The following PYGB variants were observed in gnomAD, a reference collection of about 807,000 sequenced individuals.
The protein encoded by PYGB is glycogen phosphorylase, brain form.
In PYGB, 82 loss-of-function variants were observed where a neutral mutation model predicts 94.3. That is an observed-to-expected ratio of 0.87 (90% CI 0.73 to 1.04). PYGB has a LOEUF of 1.04. PYGB is among the 50% of genes least tolerant of loss of function. PYGB has a pLI of 0.00. For synonymous variants in PYGB, 488 were observed against 479.1 expected (o/e 1.02, Z -0.24); for missense variants, 1,132 against 1,158.2 (o/e 0.98, Z 0.33).
In PYGB at chr20:25,276,681, C is replaced by T. The variant is rs141974859; in HGVS notation, c.696C>T (p.Pro232=). The T allele has an allele frequency of 3.8e-5, 61 of 1,613,780 alleles. No homozygotes were observed. Among genetic ancestry groups the T allele is most frequent in the East Asian group, 8.9e-5 (4 of 44,876 alleles). The change falls in exon 6 of 20, where the codon CCC becomes CCT. Residue 232 remains proline, a synonymous_variant. Transcript: ENST00000216962. ...CCATGCCCTACGACACCCCAGTGCC[C>T]GGCTACAAGAACAACACCGTCAACA... ...VLAMPYDTPV[P]GYKNNTVNTM...
At chr20:25,293,471 TA>T (rs1243905008) in intron 17 of PYGB, among the ~76,000 whole-genome samples, 2 of 152,172 alleles carry the variant, frequency 1.3e-5, no homozygotes, top group African/African-American at 4.8e-5. Flanking sequence ...TTCCAAGCGA[TA>T]ATTACAAAGA....
chr20:25,291,658 C>A (rs1221417152), intron 16 of PYGB, among the ~76,000 whole-genome samples: 3 of 152,088 alleles, frequency 2.0e-5, no homozygotes, highest in Non-Finnish European at 4.4e-5. Context: ...CATCTCCTCT[C>A]CCCCGTGCTG....
intron 6 of PYGB, 59 bp from the exon 7 acceptor site, chr20:25,277,185 G>A (rs571101582): frequency 1.8e-5 from 24 of 1,357,414 alleles, no homozygotes; most frequent in East Asian, 1.1e-4. Context: ...GCCCCTGAGC[G>A]GTTGCAGTGC....
chr20:25,283,391 C>A, intron 13 of PYGB, 114 bp downstream of exon 13: 1 of 885,684 alleles, frequency 1.1e-6, no homozygotes, highest in Non-Finnish European at 1.7e-6. Context: ...CCCACTGGGG[C>A]TTTAGTGGGG....
chr20:25,253,780 T>C (rs928573963), intron 1 of PYGB, among the ~76,000 whole-genome samples: 4 of 152,230 alleles, frequency 2.6e-5, no homozygotes, highest in African/African-American at 9.6e-5. Context: ...TGACGCTTCA[T>C]CCGGATTCCC....
At chr20:25,270,195 TG>T (rs67451023) in intron 3 of PYGB, among the ~76,000 whole-genome samples, 7,082 of 124,430 alleles carry the variant, frequency 0.057, 690 homozygotes, top group African/African-American at 0.23. Flanking sequence ...AAGTTTTTTT[TG>T]TTTTGTTTTG....
At chr20:25,295,737 ATTGT>A (rs1464894884) in intron 19 of PYGB, 67 bp downstream of exon 19, 23 of 1,489,964 alleles carry the variant, frequency 1.5e-5, no homozygotes, top group Non-Finnish European at 2.1e-5. Flanking sequence ...GTTGGGTCAG[ATTGT>A]TTATTTCCCA....
intron 2 of PYGB, among the ~76,000 whole-genome samples, chr20:25,261,795 G>A (rs957556966): frequency 1.3e-5 from 2 of 152,216 alleles, no homozygotes; most frequent in Non-Finnish European, 1.5e-5. Context: ...ATGACCTGAC[G>A]GAGCTGAAAA....
At chr20:25,272,969 G>A (rs1312158350) in intron 4 of PYGB, among the ~76,000 whole-genome samples, 13 of 152,222 alleles carry the variant, frequency 8.5e-5, no homozygotes, top group Non-Finnish European at 1.5e-4. Context: ...CCTCGTTCCT[G>A]TAACTCTTGC....
At chr20:25,273,436 G>A (rs2088283955) in intron 4 of PYGB, among the ~76,000 whole-genome samples, 1 of 152,194 alleles carries the variant, frequency 6.6e-6, no homozygotes, top group South Asian at 2.1e-4. Context: ...TGGCGTCTGT[G>A]TAGGAACCAT....
At chr20:25,287,673 C>A (rs73343053) in intron 14 of PYGB, among the ~76,000 whole-genome samples, 3 of 151,336 alleles carry the variant, frequency 2.0e-5, no homozygotes, top group Non-Finnish European at 2.9e-5. Flanking sequence ...CAAACAACAA[C>A]AAAAAAAACC....
chr20:25,288,935 C>T (rs1362555433), intron 15 of PYGB, among the ~76,000 whole-genome samples: 2 of 152,260 alleles, frequency 1.3e-5, no homozygotes, highest in African/African-American at 4.8e-5. Flanking sequence ...CCCTCTGCGG[C>T]CAGTGTCCCC....
chr20:25,276,819 G>A (rs1399518952), intron 6 of PYGB, 62 bp downstream of exon 6: 73 of 1,486,762 alleles, frequency 4.9e-5, no homozygotes, highest in Non-Finnish European at 6.3e-5. Context: ...AGACACCCTC[G>A]CCCACAGCCT....
Position 25,283,246 on chromosome 20 carries a change from T to C in PYGB, c.1589T>C (p.Val530Ala). The C allele has an allele frequency of 6.2e-7, 1 of 1,613,684 alleles. No homozygotes were observed. Among genetic ancestry groups the C allele is most frequent in the African/African-American group, 1.3e-5 (1 of 75,004 alleles). ...CTGCTGCCGCTGGTCAGTGACGAGG[T>C]GTTCATCAGGGACGTGGCCAAGGTC... ...KKLLPLVSDE[V>A]FIRDVAKVKQ... Residue 530 changes from valine to alanine, a missense_variant, in exon 13 of 20, where the codon GTG (valine) becomes GCG (alanine). Val to Ala is a moderately conservative substitution (Grantham distance 64, BLOSUM62 0). Transcript: ENST00000216962.
rs1191158507 is a variant in PYGB, at chr20:25,260,101, C to T, written c.345+763C>T. ...GGCGGCTCAACATTGCCTGGGGCTC[C>T]GTCTCCCCCTGCAGGACCTCATAGC... On this transcript the variant is annotated intron_variant, in intron 2 of 19. Coordinates refer to ENST00000216962, the MANE Select transcript of PYGB (RefSeq NM_002862.4). Among the ~76,000 whole-genome samples the T allele has an allele frequency of 2.6e-5, 4 of 152,112 alleles. No homozygotes were observed. The East Asian group carries it at 5.8e-4, about 22-fold the overall frequency.
chr20:25,295,636 T>G lies in PYGB; in HGVS notation c.2345T>G (p.Met782Arg), dbSNP rs201552182. 115 of 1,613,938 alleles carry G rather than the reference T, an allele frequency of 7.1e-5. No homozygotes were observed. Among genetic ancestry groups the G allele is most frequent in the Non-Finnish European group, 9.3e-5 (110 of 1,179,988 alleles). ...GTGTTTGCAGACTATGAAGCCTACA[T>G]GCAGTGCCAGGCACAGGTGGACCAG... ...FKVFADYEAY[M>R]QCQAQVDQLY... The change falls in exon 19 of 20, where the codon ATG (methionine) becomes AGG (arginine). Residue 782 changes from methionine (M) to arginine (R), a missense_variant. By Grantham distance (91) the Met-to-Arg change is moderately conservative (BLOSUM62 -1). Coordinates refer to ENST00000216962, the MANE Select transcript of PYGB (RefSeq NM_002862.4).
At chr20:25,258,135 AT>A (rs1166966975) in intron 1 of PYGB, among the ~76,000 whole-genome samples, 1 of 152,204 alleles carries the variant, frequency 6.6e-6, no homozygotes, top group Middle Eastern at 3.2e-3. Flanking sequence ...CAGAGCTATC[AT>A]TTGTGTGTGT....
chr20:25,258,462 A>G (rs2092906938), intron 1 of PYGB, among the ~76,000 whole-genome samples: 1 of 152,210 alleles, frequency 6.6e-6, no homozygotes, highest in African/African-American at 2.4e-5. Flanking sequence ...ATTTCAGGGG[A>G]GATGTTGGCT....
In PYGB at chr20:25,294,303, C is replaced by A. The variant is rs1472810297; in HGVS notation, c.2312+11C>A. ...GATGCACCATGACAGGTGGGACCGA[C>A]TTCCCTGGTTGGGTGGCTGGGAGGG... On this transcript the variant is annotated intron_variant, in intron 18 of 19. Coordinates refer to ENST00000216962, the MANE Select transcript of PYGB (RefSeq NM_002862.4). 10 of 1,237,286 alleles carry A rather than the reference C, an allele frequency of 8.1e-6. No individual in the cohort carries two copies. In the Admixed American group the frequency reaches 1.8e-4, roughly 22 times the overall value. 76.6% of individuals were successfully genotyped at this position (1,237,286 alleles called of 1,614,324 possible). A position where few individuals can be genotyped will look rare whatever the true frequency, so the allele number is the denominator to read the frequency against.
Sources: gnomAD v4.1 joint callset for allele counts (sites outside exome capture counted in the v4.1 genomes callset) on GRCh38, gnomAD v4.1.1 for gene constraint, MANE v1.5 for transcripts, NCBI Gene and HGNC (gene_info 2026-07-23, HGNC 2026-07-21) for gene names.